SAMSN1: variants seen among roughly 807,000 people sequenced by gnomAD.
The protein encoded by SAMSN1 is SAM domain, SH3 domain and nuclear localization signals 1.
Under a neutral mutation model 42.0 loss-of-function variants are expected in SAMSN1, and 31 were observed. The ratio of observed to expected loss-of-function variants is 0.74; its 90% CI spans 0.55 to 1.00. The LOEUF is 1.00. Ranked by LOEUF, SAMSN1 falls within the 50% of genes least tolerant of loss-of-function variation. SAMSN1 has a pLI of 0.00. For missense variants in SAMSN1, 464 were observed against 439.4 expected (o/e 1.06, Z -0.50); for synonymous variants, 178 against 151.9 (o/e 1.17, Z -1.26).
intron 7 of SAMSN1, among the ~76,000 whole-genome samples, chr21:14,490,688 T>G (rs1053291001): frequency 6.6e-6 from 1 of 152,174 alleles, no homozygotes; most frequent in Non-Finnish European, 1.5e-5. Context: ...AACAACAAAT[T>G]AAGAATAGGA....
At chr21:14,506,784 A>G (rs1286369165) in intron 5 of SAMSN1, among the ~76,000 whole-genome samples, 3 of 152,210 alleles carry the variant, frequency 2.0e-5, no homozygotes, top group Non-Finnish European at 4.4e-5. Context: ...CATAGATGCT[A>G]AAATTCTTAA....
intron 1 of SAMSN1, among the ~76,000 whole-genome samples, chr21:14,524,640 G>GA (rs1477774941): frequency 6.6e-6 from 1 of 152,146 alleles, no homozygotes; most frequent in African/African-American, 2.4e-5. Flanking sequence ...ATTTGTATAT[G>GA]AATTGTTTAC....
At chr21:14,559,954 A>G (rs1036583805) in intron 2 of SAMSN1, among the ~76,000 whole-genome samples, 23 of 152,156 alleles carry the variant, frequency 1.5e-4, no homozygotes, top group African/African-American at 5.3e-4. Context: ...TTGTTTAACA[A>G]TTATTTACCA....
At chr21:14,642,629 T>C (rs1201805059) in intron 2 of SAMSN1, among the ~76,000 whole-genome samples, 1 of 152,230 alleles carries the variant, frequency 6.6e-6, no homozygotes, top group Non-Finnish European at 1.5e-5. Context: ...CAGAAACTAC[T>C]GATTCAGATA....
intron 6 of SAMSN1, among the ~76,000 whole-genome samples, chr21:14,596,375 C>T (rs927283018): frequency 1.3e-5 from 2 of 152,036 alleles, no homozygotes; most frequent in Admixed American, 1.3e-4. Context: ...AAGTAGAAAA[C>T]TTCTCTGTCT....
intron 1 of SAMSN1, among the ~76,000 whole-genome samples, chr21:14,525,571 G>T (rs1019675108): frequency 3.9e-5 from 6 of 152,050 alleles, no homozygotes; most frequent in African/African-American, 1.4e-4. Flanking sequence ...AAAGACAACT[G>T]GGTAAATTTT....
chr21:14,588,872 C>T (rs1568821591), intron 7 of SAMSN1, among the ~76,000 whole-genome samples: 1 of 79,372 alleles, frequency 1.3e-5, no homozygotes, highest in Non-Finnish European at 2.5e-5. Flanking sequence ...TTTCTTTTCA[C>T]TTTTGTCTTT....
intron 6 of SAMSN1, chr21:14,601,903 TAAC>T: frequency 5.0e-6 from 2 of 400,870 alleles, no homozygotes; most frequent in Non-Finnish European, 9.3e-6. Flanking sequence ...CAACCTATAA[TAAC>T]TAAATAGAAA....
chr21:14,640,383 A>G (rs1983565984), intron 2 of SAMSN1, among the ~76,000 whole-genome samples: 1 of 152,126 alleles, frequency 6.6e-6, no homozygotes. Flanking sequence ...CGGATTGAGG[A>G]CTGGAAGCTT....
chr21:14,637,544 G>T (rs1414824979), intron 2 of SAMSN1, among the ~76,000 whole-genome samples: 1 of 152,158 alleles, frequency 6.6e-6, no homozygotes, highest in Non-Finnish European at 1.5e-5. Flanking sequence ...GTCCAAGATG[G>T]GGTTTGGGTA....
Position 14,582,472 on chromosome 21 carries a change from C to T in SAMSN1, c.-76G>A, listed in dbSNP as rs537157859. On this transcript the variant is annotated 5_prime_UTR_variant, in exon 2 of 9. Transcript: ENST00000285670. The stretch of plus-strand genomic sequence containing the variant: ...TGGTTAATTTCAAACAAGAAATCAA[C>T]GTGTCATCTTCATCTTCTGAATGAC... The T allele has an allele frequency of 1.1e-5, 13 of 1,235,310 alleles. No homozygotes were observed. The African/African-American group carries it at 1.2e-4, about 11-fold the overall frequency. 76.5% of individuals were successfully genotyped at this position (1,235,310 alleles called of 1,614,324 possible).
Position 14,485,700 on chromosome 21 carries a change from C to T in SAMSN1, c.*212G>A. The T allele has an allele frequency of 2.3e-6, 1 of 427,052 alleles. No individual in the cohort carries two copies. 26.5% of individuals were successfully genotyped at this position (427,052 alleles called of 1,614,324 possible). On this transcript the variant is annotated 3_prime_UTR_variant, in exon 8 of 8. Coordinates refer to ENST00000400566, the MANE Select transcript of SAMSN1 (RefSeq NM_022136.5). The stretch of plus-strand genomic sequence containing the variant: ...AATACAAGCAAGTGAAATATTAACA[C>T]ATAGCATTTAAAATAATAAATATAT...
At chr21:14,519,701 T>A (rs186226824) in intron 2 of SAMSN1, among the ~76,000 whole-genome samples, 1 of 152,244 alleles carries the variant, frequency 6.6e-6, no homozygotes, top group East Asian at 1.9e-4. Flanking sequence ...TACAGATAGT[T>A]ATATTTGAAA....
chr21:14,574,915 G>A (rs1439691883), intron 2 of SAMSN1, among the ~76,000 whole-genome samples: 1 of 152,038 alleles, frequency 6.6e-6, no homozygotes. Context: ...CATGTCTGGC[G>A]AGACCTTTTT....
intron 2 of SAMSN1, among the ~76,000 whole-genome samples, chr21:14,565,667 A>G (rs934637796): frequency 3.9e-5 from 6 of 152,166 alleles, no homozygotes; most frequent in African/African-American, 1.2e-4. Context: ...CACCACACAG[A>G]AAGAGACTGT....
At chr21:14,539,742 C>T (rs1424324263) in intron 1 of SAMSN1, among the ~76,000 whole-genome samples, 1 of 152,056 alleles carries the variant, frequency 6.6e-6, no homozygotes, top group Non-Finnish European at 1.5e-5. Flanking sequence ...AGATTCAATG[C>T]CATACCCATC....
upstream of SAMSN1, among the ~76,000 whole-genome samples, chr21:14,549,500 G>A (rs1980531000): frequency 1.3e-5 from 2 of 152,016 alleles, no homozygotes. Flanking sequence ...ATGCCTCTGT[G>A]TATTGCTGGG....
At chr21:14,555,081 C>A (rs1226767243) in intron 2 of SAMSN1, among the ~76,000 whole-genome samples, 3 of 152,304 alleles carry the variant, frequency 2.0e-5, no homozygotes, top group Non-Finnish European at 4.4e-5. Context: ...CAGATACTAA[C>A]CTTTCCATGC....
At chr21:14,622,020 G>C (rs1357293571) in intron 2 of SAMSN1, among the ~76,000 whole-genome samples, 3 of 152,222 alleles carry the variant, frequency 2.0e-5, no homozygotes, top group Non-Finnish European at 4.4e-5. Flanking sequence ...ACAGGGTCTG[G>C]AGTGGACCTC....
Sources: gnomAD v4.1 joint callset for allele counts (sites outside exome capture counted in the v4.1 genomes callset) on GRCh38, gnomAD v4.1.1 for gene constraint, MANE v1.5 for transcripts, NCBI Gene and HGNC (gene_info 2026-07-23, HGNC 2026-07-21) for gene names.